The following TBC1D22A variants were observed in gnomAD, a reference collection of about 807,000 sequenced individuals.
TBC1D22A encodes TBC1 domain family member 22A.
In TBC1D22A, 38 loss-of-function variants were observed where a neutral mutation model predicts 60.2. The observed-to-expected ratio is 0.63, with a 90% confidence interval of 0.49 to 0.83. TBC1D22A has a LOEUF of 0.83. Ranked by LOEUF, TBC1D22A falls within the 40% of genes least tolerant of loss-of-function variation. The probability of loss-of-function intolerance (pLI) is 0.00; values close to 1 mark genes in which losing one functional copy is unlikely to be tolerated. For missense variants in TBC1D22A, 628 were observed against 701.0 expected, an observed-to-expected ratio of 0.90 and a Z score of 1.18; for synonymous variants, 302 against 281.7, an observed-to-expected ratio of 1.07 and a Z score of -0.72.
At chr22:46,808,951 G>C (rs2085268838) in intron 4 of TBC1D22A, among the ~76,000 whole-genome samples, 1 of 152,226 alleles carries the variant, frequency 6.6e-6, no homozygotes, top group African/African-American at 2.4e-5. Flanking sequence ...TGAAATCCCA[G>C]ACTATGTTCA....
At chr22:47,086,361 A>G (rs989664942) in intron 11 of TBC1D22A, among the ~76,000 whole-genome samples, 11 of 152,210 alleles carry the variant, frequency 7.2e-5, no homozygotes, top group Non-Finnish European at 1.3e-4. Flanking sequence ...AGGCTGAGGC[A>G]GGAGAATCGC....
intron 12 of TBC1D22A, among the ~76,000 whole-genome samples, chr22:47,150,034 G>T (rs1348566848): frequency 6.6e-6 from 1 of 152,060 alleles, no homozygotes; most frequent in East Asian, 1.9e-4. Context: ...GGAGCAGATG[G>T]GCCAGGGGCT....
intron 1 of TBC1D22A, among the ~76,000 whole-genome samples, chr22:46,769,114 AAAG>A (rs1345222767): frequency 2.0e-5 from 3 of 151,334 alleles, no homozygotes; most frequent in Non-Finnish European, 4.4e-5. Context: ...AAAAAAAAAA[AAAG>A]AAAGTGTTAT....
intron 11 of TBC1D22A, among the ~76,000 whole-genome samples, chr22:47,091,435 G>A (rs112485203): frequency 2.7e-5 from 4 of 148,616 alleles, no homozygotes; most frequent in African/African-American, 1.0e-4. Flanking sequence ...CGGAGGGGGT[G>A]GCTGCGTGTT....
intron 9 of TBC1D22A, 23 bp downstream of exon 9, chr22:46,974,422 C>T (rs1398505692): frequency 1.3e-6 from 2 of 1,581,148 alleles, no homozygotes; most frequent in Non-Finnish European, 1.7e-6. Context: ...GCCCACGGGA[C>T]ACAGCCCACG....
chr22:47,156,552 A>C (rs1569476690), intron 12 of TBC1D22A, among the ~76,000 whole-genome samples: 2 of 152,090 alleles, frequency 1.3e-5, no homozygotes, highest in Non-Finnish European at 2.9e-5. Context: ...CGGAGTGAAC[A>C]CCAGGATGGG....
At chr22:46,916,108 T>C (rs1292109999) in intron 8 of TBC1D22A, 2 of 421,690 alleles carry the variant, frequency 4.7e-6, no homozygotes, top group South Asian at 2.0e-5. Context: ...TTTCCAGTTA[T>C]GATTTCATAG....
At chr22:47,132,644 G>A (rs530341768) in intron 12 of TBC1D22A, among the ~76,000 whole-genome samples, 4 of 152,308 alleles carry the variant, frequency 2.6e-5, no homozygotes, top group East Asian at 1.9e-4. Flanking sequence ...TTCCCTGGCC[G>A]TGTTGGGAGT....
chr22:47,151,556 C>G (rs1166584764), intron 12 of TBC1D22A, among the ~76,000 whole-genome samples: 3 of 152,214 alleles, frequency 2.0e-5, no homozygotes, highest in Non-Finnish European at 4.4e-5. Flanking sequence ...GGGAGAGGCT[C>G]TGGTACCTGG....
chr22:46,821,876 G>C (rs2085846465), intron 4 of TBC1D22A, among the ~76,000 whole-genome samples: 3 of 152,026 alleles, frequency 2.0e-5, no homozygotes, highest in African/African-American at 7.3e-5. Context: ...GGTACTCCAG[G>C]CAATCGTAGG....
intron 4 of TBC1D22A, among the ~76,000 whole-genome samples, chr22:46,804,193 A>G (rs937360543): frequency 6.6e-6 from 1 of 151,772 alleles, no homozygotes; most frequent in African/African-American, 2.4e-5. Context: ...CTTTCCCTCA[A>G]AGCTTGCCCC....
chr22:47,077,279 A>G (rs924675954), intron 11 of TBC1D22A, among the ~76,000 whole-genome samples: 1 of 152,146 alleles, frequency 6.6e-6, no homozygotes, highest in Non-Finnish European at 1.5e-5. Flanking sequence ...CTCTGCCTAG[A>G]CATCTTTTCC....
At chr22:47,168,930 G>A (rs971653369) in intron 12 of TBC1D22A, among the ~76,000 whole-genome samples, 2 of 152,098 alleles carry the variant, frequency 1.3e-5, no homozygotes, top group Admixed American at 6.5e-5. Context: ...CCTGGTCTTC[G>A]GCATCGGGAG....
chr22:46,847,446 T>A (rs1461473136), intron 4 of TBC1D22A, among the ~76,000 whole-genome samples: 1 of 152,212 alleles, frequency 6.6e-6, no homozygotes, highest in African/African-American at 2.4e-5. Context: ...TATGTGTCAT[T>A]TTCCTCACTT....
chr22:46,901,735 T>C (rs1175827000), intron 7 of TBC1D22A, among the ~76,000 whole-genome samples: 1 of 152,232 alleles, frequency 6.6e-6, no homozygotes, highest in Non-Finnish European at 1.5e-5. Flanking sequence ...TTGAATCATG[T>C]TGCAGAAACT....
At chr22:47,023,732 C>T (rs552534683) in intron 10 of TBC1D22A, among the ~76,000 whole-genome samples, 1 of 152,294 alleles carries the variant, frequency 6.6e-6, no homozygotes, top group South Asian at 2.1e-4. Flanking sequence ...AACCTGTTAA[C>T]CAGCAAAAGT....
rs572758642 is a variant in TBC1D22A at position 47,157,665 on chromosome 22, C to T, written c.1426-15833C>T. On this transcript the variant is annotated intron_variant, in intron 12 of 12. Coordinates refer to ENST00000337137, the MANE Select transcript of TBC1D22A (RefSeq NM_014346.5). Reference sequence around the variant, plus strand: ...GGCCGTGCAGTTGCCCTTTCCGGTTCTGGTTCCACAGCTCGCTGACCCTCG... The same window carrying T: ...GGCCGTGCAGTTGCCCTTTCCGGTTTTGGTTCCACAGCTCGCTGACCCTCG... Among the ~76,000 whole-genome samples, 6 of 152,350 alleles carry T rather than the reference C, an allele frequency of 3.9e-5. No homozygotes were observed. In the East Asian group the frequency reaches 7.7e-4, roughly 20 times the overall value.
intron 9 of TBC1D22A, among the ~76,000 whole-genome samples, chr22:46,992,379 G>A (rs981762778): frequency 7.2e-5 from 11 of 152,254 alleles, no homozygotes; most frequent in Non-Finnish European, 1.3e-4. Context: ...CTGGGCATGC[G>A]GACACTCTCT....
chr22:46,902,286 C>T (rs1157523644), intron 7 of TBC1D22A, among the ~76,000 whole-genome samples: 1 of 152,206 alleles, frequency 6.6e-6, no homozygotes, highest in South Asian at 2.1e-4. Context: ...CTGGTGGTAC[C>T]CAGTAGTAGC....
Sources: allele counts gnomAD v4.1 joint callset (sites outside exome capture counted in the v4.1 genomes callset), GRCh38; gene constraint gnomAD v4.1.1; transcripts MANE v1.5; gene names NCBI Gene and HGNC (gene_info 2026-07-23, HGNC 2026-07-21).